Variants in CC2D1B observed in about 807,000 individuals in gnomAD.
CC2D1B encodes the protein coiled-coil and C2 domain-containing protein 1B.
A neutral mutation model predicts 110.8 loss-of-function variants in CC2D1B; 92 were observed. That is an observed-to-expected ratio of 0.83 (90% CI 0.70 to 0.99). The LOEUF is 0.99. Among genes scored for constraint, CC2D1B ranks in the 50% least tolerant of loss-of-function variants. The pLI is 0.00. For synonymous variants in CC2D1B, 406 were observed against 429.2 expected (o/e 0.95, Z 0.67); for missense variants, 1,136 against 1,089.0 (o/e 1.04, Z -0.61).
At chr1:52,355,490 A>G in intron 20 of CC2D1B, 41 bp from the exon 21 acceptor site, 1 of 1,613,120 alleles carries the variant, frequency 6.2e-7, no homozygotes, top group Non-Finnish European at 8.5e-7. Flanking sequence ...GCGTATAAAC[A>G]AAGAGGCACA....
chr1:52,355,587 C>G (rs2147889906), intron 20 of CC2D1B, 21 bp downstream of exon 20: 1 of 1,613,966 alleles, frequency 6.2e-7, no homozygotes, highest in South Asian at 1.1e-5. Context: ...TCAGAGGATC[C>G]TACTTCTACC....
At chr1:52,361,408 G>T in intron 4 of CC2D1B, 105 bp downstream of exon 4, 1 of 1,561,548 alleles carries the variant, frequency 6.4e-7, no homozygotes, top group South Asian at 1.2e-5. Flanking sequence ...CACTCACTCA[G>T]AGTCAGAGAA....
chr1:52,356,351 C>T, intron 17 of CC2D1B, 33 bp downstream of exon 17: 3 of 1,614,146 alleles, frequency 1.9e-6, no homozygotes, highest in Non-Finnish European at 2.5e-6. Flanking sequence ...CTGCTCCCCA[C>T]CCTATGAGCC....
chr1:52,356,123 G>A (rs1646645495), intron 18 of CC2D1B, 63 bp downstream of exon 18: 35 of 1,408,718 alleles, frequency 2.5e-5, no homozygotes, highest in Non-Finnish European at 3.3e-5. Flanking sequence ...GCAGTCTCTG[G>A]CCTGGGCTCC....
At chr1:52,363,829 T>C (rs551569132) in intron 2 of CC2D1B, among the ~76,000 whole-genome samples, 8 of 152,196 alleles carry the variant, frequency 5.3e-5, no homozygotes, top group Admixed American at 2.6e-4. Flanking sequence ...TACAGGCACA[T>C]GCCACCACGC....
In CC2D1B at chr1:52,354,730, C is replaced by A. The variant is rs370812466; in HGVS notation, c.2340-32G>T. ...AGTCAAGAGGCAGCAGAGGATTGGA[C>A]TGGGCAGGGAAGGCAGGAATGTGCT... On this transcript the variant is annotated intron_variant, in intron 22 of 24. Transcript: ENST00000284376. The A allele has an allele frequency of 6.2e-6, 10 of 1,611,554 alleles. No individual in the cohort carries two copies. In the African/African-American group the frequency reaches 9.3e-5, roughly 15 times the overall value.
intron 18 of CC2D1B, 112 bp from the exon 19 acceptor site, chr1:52,355,956 G>C (rs1224595522): frequency 1.6e-5 from 18 of 1,113,226 alleles, no homozygotes; most frequent in Non-Finnish European, 2.3e-5. Context: ...AGGGAAGGCA[G>C]AGCTGGTATG....
chr1:52,354,961 A>T, intron 21 of CC2D1B, 22 bp from the exon 22 acceptor site: 1 of 1,591,362 alleles, frequency 6.3e-7, no homozygotes, highest in South Asian at 1.1e-5. Flanking sequence ...GGAGAAAGCA[A>T]GGAGGGGCTT....
chr1:52,354,122 G>A (rs575640985), intron 23 of CC2D1B, among the ~76,000 whole-genome samples: 1 of 152,234 alleles, frequency 6.6e-6, no homozygotes, highest in Admixed American at 6.5e-5. Flanking sequence ...AGTACAATAG[G>A]CCCAAGAAGT....
chr1:52,359,928 G>A (rs772913652), intron 7 of CC2D1B, 45 bp from the exon 8 acceptor site: 2 of 1,586,192 alleles, frequency 1.3e-6, no homozygotes, highest in Middle Eastern at 3.8e-4. Flanking sequence ...GAGGGTCACA[G>A]AAGAAGGTGC....
intron 18 of CC2D1B, 135 bp downstream of exon 18, chr1:52,356,051 C>T (rs1334586188): frequency 7.8e-6 from 7 of 901,488 alleles, no homozygotes; most frequent in South Asian, 4.5e-5. Context: ...TGCACCCTGT[C>T]GTCCTCAGCA....
intron 5 of CC2D1B, 187 bp from the exon 6 acceptor site, chr1:52,360,736 G>A (rs1569861151): frequency 1.0e-6 from 1 of 983,212 alleles, no homozygotes; most frequent in Non-Finnish European, 1.5e-6. Flanking sequence ...CAAATACAGA[G>A]CCCCACTTGG....
intron 3 of CC2D1B, among the ~76,000 whole-genome samples, chr1:52,362,184 A>C (rs1032174061): frequency 2.0e-5 from 3 of 152,056 alleles, no homozygotes; most frequent in Non-Finnish European, 4.4e-5. Context: ...TCCCGGTGAA[A>C]AGAGAGGACG....
chr1:52,355,527 C>G (rs764427021), intron 20 of CC2D1B, 78 bp from the exon 21 acceptor site: 1 of 1,608,436 alleles, frequency 6.2e-7, no homozygotes, highest in African/African-American at 1.3e-5. Context: ...GCCACACCTC[C>G]CAGGGATGGG....
chr1:52,359,624 C>T (rs1047765796), intron 8 of CC2D1B, 81 bp downstream of exon 8: 5 of 1,558,272 alleles, frequency 3.2e-6, no homozygotes, highest in Non-Finnish European at 3.5e-6. Context: ...CAATCTCACT[C>T]AATCTCAGTC....
At chr1:52,359,578 C>A (rs763961775) in intron 8 of CC2D1B, 44 bp from the exon 9 acceptor site, 15 of 1,602,340 alleles carry the variant, frequency 9.4e-6, no homozygotes, top group Admixed American at 1.7e-5. Context: ...GACAGGGGAC[C>A]CCAAGAGCCT....
chr1:52,358,614 C>T, intron 12 of CC2D1B, 72 bp downstream of exon 12: 2 of 1,565,798 alleles, frequency 1.3e-6, no homozygotes, highest in East Asian at 4.5e-5. Flanking sequence ...GTGGGAATCA[C>T]TGGCTGTCCC....
At chr1:52,354,222 G>C in intron 23 of CC2D1B, 2 of 385,364 alleles carry the variant, frequency 5.2e-6, no homozygotes, top group Non-Finnish European at 1.0e-5. Context: ...TGCTACAGTG[G>C]GAAGAGCCCC....
chr1:52,355,532 G>A, intron 20 of CC2D1B, 76 bp downstream of exon 20: 1 of 1,599,900 alleles, frequency 6.3e-7, no homozygotes, highest in Admixed American at 1.7e-5. Flanking sequence ...ACCTCCCAGG[G>A]ATGGGAAGAA....
Sources: allele counts gnomAD v4.1 joint callset (sites outside exome capture counted in the v4.1 genomes callset), GRCh38; gene constraint gnomAD v4.1.1; transcripts MANE v1.5; gene names NCBI Gene and HGNC (gene_info 2026-07-23, HGNC 2026-07-21).